CD38: variants seen among roughly 807,000 people sequenced by gnomAD.
CD38 encodes the protein ADP-ribosyl cyclase/cyclic ADP-ribose hydrolase 1.
CD38 carries 31 observed loss-of-function variants against 36.3 expected under a neutral mutation model. The ratio of observed to expected loss-of-function variants is 0.85; its 90% confidence interval spans 0.64 to 1.15. The LOEUF is 1.15. Among genes scored for constraint, CD38 ranks in the 50% most tolerant of loss-of-function variants. The pLI is 0.00. For synonymous variants in CD38, 131 were observed against 135.2 expected (o/e 0.97, Z 0.22); for missense variants, 380 against 371.9 (o/e 1.02, Z -0.18).
intron 1 of CD38, among the ~76,000 whole-genome samples, chr4:15,802,550 T>TATTTTATTTCACTTC (rs1723251995): frequency 7.6e-6 from 1 of 131,072 alleles, no homozygotes; most frequent in Admixed American, 7.3e-5. Context: ...TATTTTATTT[T>TATTTTATTTCACTTC]ATTTCACTTC....
chr4:15,837,048 TTTTG>T (rs1482790674), intron 4 of CD38, among the ~76,000 whole-genome samples: 1 of 152,228 alleles, frequency 6.6e-6, no homozygotes, highest in Admixed American at 6.5e-5. Flanking sequence ...ACTTTATAGT[TTTTG>T]TTTGTTTGCT....
At chr4:15,786,973 C>A (rs1722848800) in intron 1 of CD38, among the ~76,000 whole-genome samples, 2 of 152,264 alleles carry the variant, frequency 1.3e-5, no homozygotes, top group South Asian at 4.1e-4. Flanking sequence ...CAGCTGCTGG[C>A]CTGGGTGCTA....
chr4:15,787,465 C>A (rs920605167), intron 1 of CD38, among the ~76,000 whole-genome samples: 1 of 152,196 alleles, frequency 6.6e-6, no homozygotes, highest in Middle Eastern at 3.2e-3. Flanking sequence ...TAATGTTGAG[C>A]CCTCTTGGGC....
intron 1 of CD38, among the ~76,000 whole-genome samples, chr4:15,790,534 A>G (rs1459733174): frequency 6.9e-6 from 1 of 145,054 alleles, no homozygotes. Context: ...TACAACCTCC[A>G]CCTCCCAGCC....
chr4:15,812,681 C>A (rs1295726483), intron 1 of CD38, among the ~76,000 whole-genome samples: 1 of 152,150 alleles, frequency 6.6e-6, no homozygotes, highest in Non-Finnish European at 1.5e-5. Flanking sequence ...GCCTGGGCAA[C>A]AGGGCGAGAT....
At chr4:15,788,195 G>T (rs192976457) in intron 1 of CD38, among the ~76,000 whole-genome samples, 1 of 152,286 alleles carries the variant, frequency 6.6e-6, no homozygotes, top group East Asian at 1.9e-4. Flanking sequence ...GGCACTCCTA[G>T]TACTGTGCCC....
chr4:15,788,099 C>T (rs1722881176), intron 1 of CD38, among the ~76,000 whole-genome samples: 1 of 152,184 alleles, frequency 6.6e-6, no homozygotes, highest in Non-Finnish European at 1.5e-5. Flanking sequence ...ATCGGTTCTC[C>T]CACTACTCTG....
chr4:15,826,914 G>A (rs1443522965), intron 3 of CD38, among the ~76,000 whole-genome samples: 2 of 152,048 alleles, frequency 1.3e-5, no homozygotes, highest in Admixed American at 6.6e-5. Flanking sequence ...ATACATAAAT[G>A]GTAGATTTTC....
intron 1 of CD38, among the ~76,000 whole-genome samples, chr4:15,796,514 A>T (rs1336235054): frequency 6.6e-6 from 1 of 152,164 alleles, no homozygotes; most frequent in Non-Finnish European, 1.5e-5. Context: ...ATAGTAGTAC[A>T]AATACCCATT....
chr4:15,840,788 C>G (rs1195564071), intron 7 of CD38, among the ~76,000 whole-genome samples: 1 of 152,180 alleles, frequency 6.6e-6, no homozygotes, highest in East Asian at 1.9e-4. Flanking sequence ...GGACTTGCCT[C>G]TAAAGCTGAC....
chr4:15,823,846 T>C (rs552003236), intron 2 of CD38, among the ~76,000 whole-genome samples: 86 of 152,154 alleles, frequency 5.7e-4, no homozygotes, highest in Non-Finnish European at 1.0e-3. Flanking sequence ...TAAAGATATG[T>C]GCATGCATAT....
At chr4:15,787,012 C>G (rs1208696369) in intron 1 of CD38, among the ~76,000 whole-genome samples, 1 of 151,994 alleles carries the variant, frequency 6.6e-6, no homozygotes, top group African/African-American at 2.4e-5. Context: ...GCCTGCTGCG[C>G]TCGCCGGCCG....
chr4:15,826,917 A>G (rs1226173929), intron 3 of CD38, among the ~76,000 whole-genome samples: 1 of 152,200 alleles, frequency 6.6e-6, no homozygotes, highest in Non-Finnish European at 1.5e-5. Flanking sequence ...CATAAATGGT[A>G]GATTTTCTGT....
intron 2 of CD38, among the ~76,000 whole-genome samples, chr4:15,821,564 A>G (rs1304676847): frequency 6.6e-6 from 1 of 152,084 alleles, no homozygotes; most frequent in African/African-American, 2.4e-5. Flanking sequence ...ATGCAAATAA[A>G]CTAGAACATC....
chr4:15,821,773 C>A (rs1476665071), intron 2 of CD38, among the ~76,000 whole-genome samples: 1 of 150,814 alleles, frequency 6.6e-6, no homozygotes, highest in Non-Finnish European at 1.5e-5. Context: ...GAGCTGATAC[C>A]CTTTCTTCTG....
rs1175063987 is a variant in CD38 at position 15,778,700 on chromosome 4, C to T, written c.233+53C>T. On this transcript the variant is annotated intron_variant, in intron 1 of 7. Coordinates refer to ENST00000226279, the MANE Select transcript of CD38 (RefSeq NM_001775.4). This position sits in a 1 kb window ranked among gnomAD's most constrained non-coding sequence, Gnocchi z 4.9. Reference sequence around the variant, plus strand: ...GGGCACTGCGGGGACAGCAGGGCCCCGCGCGCAGGGAAGCCGCCCGGATCG... The same window carrying T: ...GGGCACTGCGGGGACAGCAGGGCCCTGCGCGCAGGGAAGCCGCCCGGATCG... 6 of 1,311,302 alleles carry T rather than the reference C, an allele frequency of 4.6e-6. No individual in the cohort carries two copies. The highest frequency in any genetic ancestry group is 6.5e-6 in the Non-Finnish European group (6 of 923,252). 81.2% of individuals were successfully genotyped at this position (1,311,302 alleles called of 1,614,324 possible). A position where few individuals can be genotyped will look rare whatever the true frequency, so the allele number is the denominator to read the frequency against.
In CD38 at chr4:15,840,088, G is replaced by C. The variant is rs1363473585; in HGVS notation, c.722G>C (p.Trp241Ser). Residue 241 changes from tryptophan to serine, a missense_variant, in exon 6 of 8, where the codon TGG becomes TCG. Coordinates refer to ENST00000226279, the MANE Select transcript of CD38 (RefSeq NM_001775.4). ...QPEKVQTLEA[W>S]VIHGGREDSR... Reference sequence around the variant, plus strand: ...GAGAAGGTTCAGACACTAGAGGCCTGGGTGATACATGGTGGAAGAGAAGAT... The same window carrying C: ...GAGAAGGTTCAGACACTAGAGGCCTCGGTGATACATGGTGGAAGAGAAGAT... The C allele has an allele frequency of 6.2e-7, 1 of 1,612,350 alleles. No homozygotes were observed. Among genetic ancestry groups the C allele is most frequent in the Non-Finnish European group, 8.5e-7 (1 of 1,178,572 alleles).
intron 1 of CD38, among the ~76,000 whole-genome samples, chr4:15,791,029 C>CGG (rs1286713930): frequency 7.0e-6 from 1 of 142,500 alleles, no homozygotes; most frequent in Non-Finnish European, 1.5e-5. Context: ...GCAGCCACCC[C>CGG]GTCCGGGAGG....
At chr4:15,848,367 G>T (rs117698095) in intron 7 of CD38, among the ~76,000 whole-genome samples, 172 bp from the exon 8 acceptor site, 1 of 152,152 alleles carries the variant, frequency 6.6e-6, no homozygotes, top group South Asian at 2.1e-4. Flanking sequence ...TGACCAGCAG[G>T]TGGCATGGAT....
Sources: gnomAD v4.1 joint callset for allele counts (sites outside exome capture counted in the v4.1 genomes callset) on GRCh38, gnomAD v4.1.1 for gene constraint, Gnocchi (gnomAD v3.1) non-coding constraint, MANE v1.5 for transcripts, NCBI Gene and HGNC (gene_info 2026-07-23, HGNC 2026-07-21) for gene names.